RIPOR2: variants seen among roughly 807,000 people sequenced by gnomAD.
RIPOR2 encodes the protein RHO family interacting cell polarization regulator 2, also known as rho family-interacting cell polarization regulator 2.
In RIPOR2, 39 loss-of-function variants were observed where a neutral mutation model predicts 114.5. The ratio of observed to expected loss-of-function variants is 0.34; its 90% CI spans 0.26 to 0.44. The LOEUF (loss-of-function observed/expected upper bound fraction) is 0.44, where lower values mean the gene tolerates loss of function less well. Ranked by LOEUF, RIPOR2 falls within the 20% of genes least tolerant of loss-of-function variation. The pLI is 1.00. For missense variants in RIPOR2, 1,007 were observed against 1,255.1 expected (o/e 0.80, Z 2.99); for synonymous variants, 445 against 484.4 (o/e 0.92, Z 1.07).
At chr6:24,810,098 G>A (rs1781045165) in intron 20 of RIPOR2, among the ~76,000 whole-genome samples, 1 of 152,126 alleles carries the variant, frequency 6.6e-6, no homozygotes, top group Non-Finnish European at 1.5e-5. Context: ...TCCTAATGTG[G>A]TGGGATTACA....
At chr6:24,848,298 G>A (rs1437600573) in intron 11 of RIPOR2, 144 bp from the exon 12 acceptor site, 10 of 816,022 alleles carry the variant, frequency 1.2e-5, no homozygotes, top group Non-Finnish European at 1.5e-5. Flanking sequence ...AAACTGCTTT[G>A]CAGAAAATAA....
chr6:24,896,861 C>A (rs764992012), intron 1 of RIPOR2, among the ~76,000 whole-genome samples: 12 of 152,112 alleles, frequency 7.9e-5, no homozygotes, highest in Non-Finnish European at 1.5e-4. Flanking sequence ...TGAGATTGTA[C>A]CACTGCACTC....
chr6:24,953,844 A>G (rs144215914), intron 1 of RIPOR2, among the ~76,000 whole-genome samples: 433 of 152,358 alleles, frequency 2.8e-3, no homozygotes, highest in African/African-American at 9.7e-3. Context: ...AAGCATAAAA[A>G]TACACAAGCT....
intron 12 of RIPOR2, among the ~76,000 whole-genome samples, chr6:24,845,367 C>T (rs1762157943): frequency 6.6e-6 from 1 of 152,122 alleles, no homozygotes. Flanking sequence ...TGAAGGATGC[C>T]TGGAGCCTTC....
At chr6:25,010,003 G>A (rs1322024738) in intron 1 of RIPOR2, among the ~76,000 whole-genome samples, 1 of 152,186 alleles carries the variant, frequency 6.6e-6, no homozygotes, top group Non-Finnish European at 1.5e-5. Context: ...AGTTCAGAGA[G>A]ACAGAGGATC....
At chr6:24,828,096 A>T in intron 18 of RIPOR2, 41 bp downstream of exon 18, 2 of 1,469,848 alleles carry the variant, frequency 1.4e-6, no homozygotes, top group Non-Finnish European at 1.8e-6. Flanking sequence ...ATAACGCCAA[A>T]TTGAGCCACC....
chr6:24,871,395 A>T (rs1765156386), intron 4 of RIPOR2, among the ~76,000 whole-genome samples: 1 of 152,258 alleles, frequency 6.6e-6, no homozygotes, highest in African/African-American at 2.4e-5. Flanking sequence ...TCTTTTGCCC[A>T]GGCTGGAGTG....
intron 1 of RIPOR2, among the ~76,000 whole-genome samples, chr6:24,926,693 G>C (rs1770877727): frequency 6.6e-6 from 1 of 152,158 alleles, no homozygotes. Context: ...GAATTGTATA[G>C]ACTTGGGGGG....
chr6:24,839,802 A>G (rs933204775), intron 13 of RIPOR2: 4 of 1,365,052 alleles, frequency 2.9e-6, no homozygotes, highest in African/African-American at 3.0e-5. Context: ...CCAAGTGGCA[A>G]TGTCTTCGGT....
intron 1 of RIPOR2, among the ~76,000 whole-genome samples, chr6:24,993,275 A>C (rs1453106676): frequency 6.6e-6 from 1 of 152,224 alleles, no homozygotes; most frequent in Admixed American, 6.5e-5. Context: ...TGTTGGGTGC[A>C]GATATATTTA....
At chr6:24,869,175 A>G (rs929395331) in intron 5 of RIPOR2, 28 bp from the exon 6 acceptor site, 4 of 1,269,238 alleles carry the variant, frequency 3.2e-6, no homozygotes, top group Non-Finnish European at 4.5e-6. Flanking sequence ...TTGAAAAAGT[A>G]CAGTCATTTA....
chr6:24,831,453 G>A (rs1341141532), intron 16 of RIPOR2, among the ~76,000 whole-genome samples: 1 of 152,264 alleles, frequency 6.6e-6, no homozygotes, highest in East Asian at 1.9e-4. Context: ...ATGGTACCAG[G>A]TGGGACAGGA....
chr6:24,932,625 A>T (rs1466608709), intron 1 of RIPOR2, among the ~76,000 whole-genome samples: 1 of 152,026 alleles, frequency 6.6e-6, no homozygotes, highest in African/African-American at 2.4e-5. Context: ...TCATTGACTC[A>T]TTTTTTTTCT....
Position 24,806,411 on chromosome 6 carries a change from C to T in RIPOR2, c.3106G>A (p.Gly1036Arg), listed in dbSNP as rs915320500. ...GCAACTTCAGTTCCATGACGACCTC[C>T]GACTTTAACACAGTCTCGAGGAAAT... ...DKFPRDCVKV[G>R]GRHGTEVATA... is the part of the protein sequence containing the mutation. Residue 1036 changes from glycine to arginine, a missense_variant, in exon 22 of 22, where the codon GGA (glycine) becomes AGA (arginine). By Grantham distance (125) the Gly-to-Arg change is moderately radical. Coordinates refer to ENST00000643898, the MANE Select transcript of RIPOR2 (RefSeq NM_001286445.3). 133 of 1,551,510 alleles carry T rather than the reference C, an allele frequency of 8.6e-5. No homozygotes were observed. In the East Asian group the frequency reaches 2.5e-3, roughly 30 times the overall value.
chr6:24,856,772 T>G (rs1368338758), intron 8 of RIPOR2, among the ~76,000 whole-genome samples: 3 of 152,046 alleles, frequency 2.0e-5, no homozygotes, highest in African/African-American at 7.2e-5. Context: ...AAACAAAACC[T>G]CTGCAAATTA....
chr6:24,854,124 G>GAAAAAAAAAAAAAAAAAAAAAA (rs56203816), intron 8 of RIPOR2, among the ~76,000 whole-genome samples: 1 of 86,444 alleles, frequency 1.2e-5, no homozygotes, highest in African/African-American at 3.8e-5. Context: ...GTCTGAAAAA[G>GAAAAAAAAAAAAAAAAAAAAAA]AAAAAAAAAA....
rs1314610539 is a variant in RIPOR2, at chr6:24,877,409, C to G, written c.62-1592G>C. The stretch of plus-strand genomic sequence containing the variant: ...AGGTATGGCAATCGGCTTGCTCTTT[C>G]ATCTGGGTGAGATGCAAATCCCATA... On this transcript the variant is annotated intron_variant, in intron 1 of 21. Transcript: ENST00000643898. 5 of 953,658 alleles carry G rather than the reference C, an allele frequency of 5.2e-6. No homozygotes were observed. In the East Asian group the frequency reaches 4.6e-4, roughly 88 times the overall value. The allele number at this position is 953,658 out of a possible 1,614,324, so 59.1% of individuals were successfully genotyped here.
At chr6:24,918,002 C>A (rs2114096344) in intron 1 of RIPOR2, among the ~76,000 whole-genome samples, 1 of 152,268 alleles carries the variant, frequency 6.6e-6, no homozygotes, top group African/African-American at 2.4e-5. Context: ...GCAGGTTATC[C>A]CATGTTGCCC....
At chr6:24,917,391 C>T (rs1055706277) in intron 1 of RIPOR2, among the ~76,000 whole-genome samples, 15 of 152,142 alleles carry the variant, frequency 9.9e-5, no homozygotes, top group Admixed American at 3.9e-4. Context: ...AAATGGCATA[C>T]ATTTAATCAA....
Sources: gnomAD v4.1 joint callset for allele counts (sites outside exome capture counted in the v4.1 genomes callset) on GRCh38, gnomAD v4.1.1 for gene constraint, MANE v1.5 for transcripts, NCBI Gene and HGNC (gene_info 2026-07-23, HGNC 2026-07-21) for gene names.